The following ZNRF1 variants were observed in gnomAD, a reference collection of about 807,000 sequenced individuals.
ZNRF1 encodes the protein E3 ubiquitin-protein ligase ZNRF1.
A neutral mutation model predicts 18.4 loss-of-function variants in ZNRF1; 3 were observed. The ratio of observed to expected loss-of-function variants is 0.16; its 90% CI spans 0.07 to 0.42. The LOEUF is 0.42. Ranked by LOEUF, ZNRF1 falls within the 10% of genes least tolerant of loss-of-function variation. ZNRF1 has a pLI of 0.99. For missense variants in ZNRF1, 310 were observed against 329.8 expected, an observed-to-expected ratio of 0.94 and a Z score of 0.47; for synonymous variants, 157 against 144.2, an observed-to-expected ratio of 1.09 and a Z score of -0.64.
intron 1 of ZNRF1, among the ~76,000 whole-genome samples, chr16:75,026,784 A>G (rs2035229874): frequency 6.6e-6 from 1 of 151,980 alleles, no homozygotes; most frequent in South Asian, 2.1e-4. Flanking sequence ...AAAAATGCAA[A>G]AATTAGCCTG....
At chr16:75,088,711 G>A (rs2036102875) in intron 1 of ZNRF1, among the ~76,000 whole-genome samples, 1 of 152,156 alleles carries the variant, frequency 6.6e-6, no homozygotes, top group Non-Finnish European at 1.5e-5. Context: ...GTAATCTTCT[G>A]AGCCTTGATG....
chr16:75,087,741 G>T (rs938870090), intron 1 of ZNRF1, among the ~76,000 whole-genome samples: 7 of 152,360 alleles, frequency 4.6e-5, no homozygotes, highest in Middle Eastern at 3.4e-3. Context: ...CCCTGCCTCT[G>T]CCTCTGTCTG....
intron 1 of ZNRF1, among the ~76,000 whole-genome samples, chr16:75,043,552 A>G (rs1272483752): frequency 6.6e-6 from 1 of 152,142 alleles, no homozygotes; most frequent in Admixed American, 6.6e-5. Flanking sequence ...AGAACATTTA[A>G]CTATAATATA....
chr16:75,013,254 ATTAC>A (rs1054485093), intron 1 of ZNRF1, among the ~76,000 whole-genome samples: 3 of 152,234 alleles, frequency 2.0e-5, no homozygotes, highest in Admixed American at 2.0e-4. Context: ...AGGAGTAAGA[ATTAC>A]TTCTCTGTCT....
In ZNRF1 at chr16:75,000,108, G is replaced by C. The variant is rs775815647; in HGVS notation, c.424+13G>C. 6.3e-7 allele frequency: 1 copy of C among 1,594,582 alleles called. No homozygotes were observed. Among genetic ancestry groups the C allele is most frequent in the Non-Finnish European group, 8.5e-7 (1 of 1,172,092 alleles). ...AGCTCGCATAGTGGTGAGTCCGCGG[G>C]TGGTGGAGGCCTCGGAGGGAGGGCG... On this transcript the variant is annotated intron_variant, in intron 1 of 4. Coordinates refer to ENST00000335325, the MANE Select transcript of ZNRF1 (RefSeq NM_032268.5).
At chr16:75,068,093 C>G (rs1196576569) in intron 1 of ZNRF1, among the ~76,000 whole-genome samples, 1 of 149,944 alleles carries the variant, frequency 6.7e-6, no homozygotes, top group African/African-American at 2.5e-5. Context: ...GTGGCTCATG[C>G]CTGTAATCCA....
At chr16:75,095,509 C>CT (rs2036187736) in intron 2 of ZNRF1, 1 of 1,336,378 alleles carries the variant, frequency 7.5e-7, no homozygotes, top group South Asian at 1.9e-5. Context: ...CTATTCACTT[C>CT]TTTCCCACAT....
chr16:75,037,885 C>T (rs1330082677), intron 1 of ZNRF1, among the ~76,000 whole-genome samples: 1 of 152,116 alleles, frequency 6.6e-6, no homozygotes, highest in Non-Finnish European at 1.5e-5. Flanking sequence ...ATTTGGGAAG[C>T]AACAAAACCT....
At chr16:75,073,252 A>T (rs962737994) in intron 1 of ZNRF1, among the ~76,000 whole-genome samples, 27 of 151,864 alleles carry the variant, frequency 1.8e-4, no homozygotes, top group Admixed American at 1.7e-3. Context: ...AATTGAGGCA[A>T]GATTTTTTTT....
intron 1 of ZNRF1, among the ~76,000 whole-genome samples, chr16:75,013,459 G>T (rs1019191487): frequency 2.6e-5 from 4 of 151,640 alleles, no homozygotes; most frequent in African/African-American, 9.7e-5. Context: ...CGATTCTTCT[G>T]CCTCAGCCTC....
At chr16:75,094,617 A>G (rs886827515) in intron 2 of ZNRF1, among the ~76,000 whole-genome samples, 39 of 152,360 alleles carry the variant, frequency 2.6e-4, no homozygotes, top group Admixed American at 2.2e-3. Context: ...CCTTTGGTAC[A>G]GAGCCTGGCA....
intron 1 of ZNRF1, among the ~76,000 whole-genome samples, chr16:75,041,045 C>G (rs1402951235): frequency 6.6e-6 from 1 of 152,138 alleles, no homozygotes. Flanking sequence ...AGCTGATAGA[C>G]TTTTGGATTG....
intron 1 of ZNRF1, among the ~76,000 whole-genome samples, chr16:75,050,200 C>T (rs1412414366): frequency 6.6e-6 from 1 of 152,046 alleles, no homozygotes. Flanking sequence ...ATGGATGGAC[C>T]ACGGTTTGTT....
chr16:75,055,312 C>T (rs998400597), intron 1 of ZNRF1, among the ~76,000 whole-genome samples: 2 of 152,186 alleles, frequency 1.3e-5, no homozygotes, highest in African/African-American at 4.8e-5. Flanking sequence ...CTCGCTGTAT[C>T]ACCCAGGCTT....
At chr16:75,077,342 G>A (rs376305597) in intron 1 of ZNRF1, among the ~76,000 whole-genome samples, 12 of 152,352 alleles carry the variant, frequency 7.9e-5, no homozygotes, top group African/African-American at 2.4e-4. Context: ...AGACCAGCCT[G>A]ACCAACATGT....
intron 2 of ZNRF1, chr16:75,104,531 C>G (rs562325823): frequency 1.2e-5 from 4 of 330,308 alleles, no homozygotes; most frequent in Admixed American, 9.3e-5. Context: ...CCGCTGTCAC[C>G]TAGGCTTTTG....
rs892999338 is a variant in ZNRF1 at position 75,107,752 on chromosome 16, C to A, written c.*52C>A. ...ACACAGGGACAGAGCGCCCCTGCTC[C>A]AGGGAGGAGGCTCACCGGACCCTGG... On this transcript the variant is annotated 3_prime_UTR_variant, in exon 5 of 5. Coordinates refer to ENST00000335325, the MANE Select transcript of ZNRF1 (RefSeq NM_032268.5). 2.2e-6 allele frequency: 1 copy of A among 456,354 alleles called. No homozygotes were observed. Among genetic ancestry groups the A allele is most frequent in the African/African-American group, 2.0e-5 (1 of 50,064 alleles). 28.3% of individuals were successfully genotyped at this position (456,354 alleles called of 1,614,324 possible). A position where few individuals can be genotyped will look rare whatever the true frequency, so the allele number is the denominator to read the frequency against.
At chr16:75,031,888 C>G (rs1028474997) in intron 1 of ZNRF1, among the ~76,000 whole-genome samples, 5 of 152,078 alleles carry the variant, frequency 3.3e-5, no homozygotes, top group Admixed American at 6.6e-5. Context: ...TGCTGGGTAA[C>G]TTTAATTGAA....
chr16:75,011,676 A>T lies in ZNRF1; in HGVS notation c.424+11581A>T, dbSNP rs139768765. On this transcript the variant is annotated intron_variant, in intron 1 of 4. Coordinates refer to ENST00000335325, the MANE Select transcript of ZNRF1 (RefSeq NM_032268.5). ...ATTGCAGCCAGTGCCCTGGAAAGCT[A>T]TAAGCAAGTCTTAAGACCTGTGATA... Among the ~76,000 whole-genome samples, 3 of 152,246 alleles carry T rather than the reference A, an allele frequency of 2.0e-5. No homozygotes were observed. The East Asian group carries it at 5.8e-4, about 29-fold the overall frequency.
Sources: allele counts gnomAD v4.1 joint callset (sites outside exome capture counted in the v4.1 genomes callset), GRCh38; gene constraint gnomAD v4.1.1; transcripts MANE v1.5; gene names NCBI Gene and HGNC (gene_info 2026-07-23, HGNC 2026-07-21).